The following GAS7 variants were observed in gnomAD, a reference collection of about 807,000 sequenced individuals.
GAS7 encodes the protein growth arrest-specific protein 7.
Under a neutral mutation model 71.1 loss-of-function variants are expected in GAS7, and 28 were observed. The ratio of observed to expected loss-of-function variants is 0.39; its 90% CI spans 0.29 to 0.54. The LOEUF is 0.54. Among genes scored for constraint, GAS7 ranks in the 20% least tolerant of loss-of-function variants. The probability of loss-of-function intolerance (pLI) is 0.62; values close to 1 mark genes in which losing one functional copy is unlikely to be tolerated. For synonymous variants in GAS7, 258 were observed against 245.8 expected, an observed-to-expected ratio of 1.05 and a Z score of -0.46; for missense variants, 436 against 627.8, an observed-to-expected ratio of 0.69 and a Z score of 3.27.
intron 9 of GAS7, chr17:9,927,055 G>T: frequency 2.7e-6 from 1 of 366,518 alleles, no homozygotes; most frequent in Non-Finnish European, 5.0e-6. Flanking sequence ...CTTTTTTTCT[G>T]AGCTTCTGCA....
In GAS7 at chr17:9,910,637, CAG is replaced by C; in HGVS notation, c.*6589_*6590del. 5.1e-6 allele frequency: 1 copy of C among 195,260 alleles called. No homozygotes were observed. The highest frequency in any genetic ancestry group is 8.0e-5 in the East Asian group (1 of 12,548). The allele number at this position is 195,260 out of a possible 1,614,324, so 12.1% of individuals were successfully genotyped here. On this transcript the variant is annotated 3_prime_UTR_variant, in exon 14 of 14. Coordinates refer to ENST00000432992, the MANE Select transcript of GAS7 (RefSeq NM_201433.2). ...TTCCTGAAAACTCTTTATAATAATG[CAG>C]GACAACTGTATATAGCAAACGCCTT...
chr17:10,044,462 G>A (rs2072918439), intron 1 of GAS7, among the ~76,000 whole-genome samples: 1 of 152,088 alleles, frequency 6.6e-6, no homozygotes, highest in African/African-American at 2.4e-5. Flanking sequence ...AAATATGAAT[G>A]GTGCCATACA....
intron 1 of GAS7, among the ~76,000 whole-genome samples, chr17:10,181,744 G>A (rs2074418531): frequency 6.6e-6 from 1 of 152,160 alleles, no homozygotes; most frequent in Non-Finnish European, 1.5e-5. Flanking sequence ...CACTCTGGAG[G>A]ATATGAGATA....
intron 1 of GAS7, among the ~76,000 whole-genome samples, chr17:10,137,287 G>A (rs2074046504): frequency 6.6e-6 from 1 of 151,908 alleles, no homozygotes; most frequent in Non-Finnish European, 1.5e-5. Flanking sequence ...TCTCCATTAA[G>A]TTCTCTGCTC....
chr17:10,074,361 A>C (rs1176605458), intron 1 of GAS7, among the ~76,000 whole-genome samples: 1 of 152,170 alleles, frequency 6.6e-6, no homozygotes, highest in Non-Finnish European at 1.5e-5. Context: ...CATTTTTAAC[A>C]TGTACACTTG....
intron 1 of GAS7, among the ~76,000 whole-genome samples, chr17:10,082,536 C>T (rs750075264): frequency 3.9e-5 from 6 of 152,192 alleles, no homozygotes; most frequent in Non-Finnish European, 5.9e-5. Context: ...GAAGCTCATA[C>T]GCTGCTGTGA....
chr17:9,987,212 C>A (rs1324024150), intron 2 of GAS7, among the ~76,000 whole-genome samples: 1 of 152,232 alleles, frequency 6.6e-6, no homozygotes, highest in East Asian at 1.9e-4. Context: ...CATGGCCACA[C>A]AGGCCCCAGA....
chr17:10,062,627 C>G lies in GAS7; in HGVS notation c.184-42730G>C, dbSNP rs139269365. Reference sequence around the variant, plus strand: ...ACACATCTTGCCCATAGAAACCACACGAACACAGTGGGCACAGATCATTTA... The same window carrying G: ...ACACATCTTGCCCATAGAAACCACAGGAACACAGTGGGCACAGATCATTTA... On this transcript the variant is annotated intron_variant, in intron 1 of 13. Transcript: ENST00000432992. Among the ~76,000 whole-genome samples the G allele has an allele frequency of 4.6e-5, 7 of 152,324 alleles. No homozygotes were observed. In the East Asian group the frequency reaches 5.8e-4, roughly 13 times the overall value.
intron 1 of GAS7, among the ~76,000 whole-genome samples, chr17:10,037,738 G>GT (rs138967847): frequency 0.12 from 18,410 of 151,254 alleles, 1,362 homozygotes; most frequent in Middle Eastern, 0.17. Context: ...ATTAAAGGGG[G>GT]TGGGGGTGGG....
At chr17:10,168,969 CAAAA>C (rs58482916) in intron 1 of GAS7, among the ~76,000 whole-genome samples, 1 of 115,606 alleles carries the variant, frequency 8.7e-6, no homozygotes. Context: ...GACTCCATCT[CAAAA>C]AAAAAAAAAA....
Position 10,190,672 on chromosome 17 carries a change from G to A in GAS7, c.183+7536C>T, listed in dbSNP as rs1200818162. Among the ~76,000 whole-genome samples the A allele has an allele frequency of 2.6e-5, 4 of 152,058 alleles. No homozygotes were observed. In the East Asian group the frequency reaches 7.7e-4, roughly 29 times the overall value. ...ACTGAACAGGAGAGGAAAGGTAAGGGGAGAGATATCAGGGAACTTGGTGGA... is the reference window on the plus strand; with the variant it reads ...ACTGAACAGGAGAGGAAAGGTAAGGAGAGAGATATCAGGGAACTTGGTGGA... On this transcript the variant is annotated intron_variant, in intron 1 of 13. Transcript: ENST00000432992.
At chr17:10,138,563 G>A (rs561942947) in intron 1 of GAS7, among the ~76,000 whole-genome samples, 219 of 152,080 alleles carry the variant, frequency 1.4e-3, no homozygotes, top group African/African-American at 5.1e-3. Flanking sequence ...AGGAGTTTGA[G>A]ACCAGCCTGA....
At chr17:10,006,110 A>G (rs1224233750) in intron 2 of GAS7, among the ~76,000 whole-genome samples, 2 of 152,118 alleles carry the variant, frequency 1.3e-5, no homozygotes, top group Non-Finnish European at 2.9e-5. Context: ...TAACCAAAGT[A>G]GAGGCAAATT....
intron 1 of GAS7, among the ~76,000 whole-genome samples, chr17:10,151,031 T>A (rs961043932): frequency 3.9e-5 from 6 of 152,326 alleles, no homozygotes; most frequent in Middle Eastern, 3.4e-3. Context: ...TTGTTAGGAT[T>A]AAAAAGAATA....
chr17:10,020,650 G>A (rs2072231592), intron 1 of GAS7, among the ~76,000 whole-genome samples: 1 of 151,946 alleles, frequency 6.6e-6, no homozygotes, highest in Non-Finnish European at 1.5e-5. Flanking sequence ...AGTGGCTCAC[G>A]TCTGTAATCC....
intron 1 of GAS7, among the ~76,000 whole-genome samples, chr17:10,052,347 A>C (rs1218347548): frequency 6.6e-6 from 1 of 152,228 alleles, no homozygotes; most frequent in Non-Finnish European, 1.5e-5. Flanking sequence ...TCAAATTGAT[A>C]ATCAGGTAGA....
chr17:9,954,395 C>A (rs2069141781), intron 5 of GAS7, among the ~76,000 whole-genome samples: 1 of 151,930 alleles, frequency 6.6e-6, no homozygotes, highest in South Asian at 2.1e-4. Flanking sequence ...GGGGTGAGCA[C>A]CCCCACTACA....
At chr17:10,058,645 G>A (rs1477664576) in intron 1 of GAS7, among the ~76,000 whole-genome samples, 1 of 152,180 alleles carries the variant, frequency 6.6e-6, no homozygotes, top group Non-Finnish European at 1.5e-5. Context: ...CCAGACTCAG[G>A]AGAACAGAGC....
At chr17:10,105,631 G>A (rs2142059190) in intron 1 of GAS7, among the ~76,000 whole-genome samples, 1 of 152,214 alleles carries the variant, frequency 6.6e-6, no homozygotes. Flanking sequence ...TTGTCATCCA[G>A]ACAACAGTTT....
Sources: gnomAD v4.1 joint callset for allele counts (sites outside exome capture counted in the v4.1 genomes callset) on GRCh38, gnomAD v4.1.1 for gene constraint, MANE v1.5 for transcripts, NCBI Gene and HGNC (gene_info 2026-07-23, HGNC 2026-07-21) for gene names.